Variants in PAN3 observed in about 807,000 individuals in gnomAD.
PAN3 encodes PAN2-PAN3 deadenylation complex subunit PAN3.
A neutral mutation model predicts 96.2 loss-of-function variants in PAN3; 19 were observed. The ratio of observed to expected loss-of-function variants is 0.20; its 90% CI spans 0.14 to 0.29. The LOEUF (loss-of-function observed/expected upper bound fraction) is 0.29. PAN3 is among the 10% of genes least tolerant of loss of function. The probability of loss-of-function intolerance (pLI) is 1.00; values close to 1 mark genes in which losing one functional copy is unlikely to be tolerated. For missense variants in PAN3, 882 were observed against 1,108.1 expected (o/e 0.80, Z 2.90); for synonymous variants, 433 against 406.6 (o/e 1.06, Z -0.78).
intron 4 of PAN3, among the ~76,000 whole-genome samples, chr13:28,179,026 T>C (rs1160782162): frequency 6.6e-5 from 10 of 152,230 alleles, no homozygotes; most frequent in African/African-American, 2.2e-4. Context: ...TAAAACCTCA[T>C]GTACCTAATG....
intron 5 of PAN3, among the ~76,000 whole-genome samples, chr13:28,204,539 T>C (rs1183906437): frequency 6.6e-6 from 1 of 152,258 alleles, no homozygotes; most frequent in African/African-American, 2.4e-5. Context: ...GTTATATTCA[T>C]ATGTGCTTAA....
chr13:28,177,290 T>C (rs562781153), intron 3 of PAN3, among the ~76,000 whole-genome samples: 45 of 152,314 alleles, frequency 3.0e-4, no homozygotes, highest in African/African-American at 1.1e-3. Context: ...ATTTCATGTT[T>C]GAAATAAATT....
At chr13:28,215,293 G>A (rs1376416416) in intron 5 of PAN3, 4 of 719,064 alleles carry the variant, frequency 5.6e-6, no homozygotes, top group African/African-American at 5.2e-5. Context: ...GGTGGTATTG[G>A]TACTGTGTCT....
At chr13:28,209,633 A>G (rs1231968968) in intron 5 of PAN3, among the ~76,000 whole-genome samples, 1 of 152,034 alleles carries the variant, frequency 6.6e-6, no homozygotes, top group Admixed American at 6.6e-5. Context: ...TGCTGTGCTA[A>G]CCTTATCTAC....
intron 4 of PAN3, 91 bp downstream of exon 4, chr13:28,178,026 G>A: frequency 8.6e-7 from 1 of 1,165,028 alleles, no homozygotes; most frequent in Non-Finnish European, 1.3e-6. Context: ...TTTTGTAAGT[G>A]GAGGGAGAGC....
At position 28,188,960 on chromosome 13, in the gene PAN3, A is replaced by G. The variant is rs537237177; in HGVS notation, c.691-8225A>G. Reference sequence around the variant, plus strand: ...TGAACTTTTTGGGAGAAGAGAATAGATCTTCTTGATCATTTTATTTTTAAG... The same window carrying G: ...TGAACTTTTTGGGAGAAGAGAATAGGTCTTCTTGATCATTTTATTTTTAAG... On this transcript the variant is annotated intron_variant, in intron 4 of 18. Coordinates refer to ENST00000380958, the MANE Select transcript of PAN3 (RefSeq NM_175854.8). Among the ~76,000 whole-genome samples, 10 of 152,366 alleles carry G rather than the reference A, an allele frequency of 6.6e-5. No individual in the cohort carries two copies. The East Asian group carries it at 1.9e-3, about 29-fold the overall frequency.
At chr13:28,165,873 G>T (rs111870734) in intron 1 of PAN3, among the ~76,000 whole-genome samples, 2 of 151,852 alleles carry the variant, frequency 1.3e-5, no homozygotes, top group Admixed American at 1.3e-4. Context: ...GCTTCATAAG[G>T]GTGCTAATTC....
At chr13:28,173,452 T>G (rs1013618949) in intron 1 of PAN3, among the ~76,000 whole-genome samples, 1 of 152,172 alleles carries the variant, frequency 6.6e-6, no homozygotes, top group Non-Finnish European at 1.5e-5. Flanking sequence ...ATGCAGTACA[T>G]TTTCGTTATG....
At chr13:28,227,614 ATAG>A (rs2138419517) in intron 6 of PAN3, among the ~76,000 whole-genome samples, 1 of 152,290 alleles carries the variant, frequency 6.6e-6, no homozygotes, top group Admixed American at 6.5e-5. Context: ...TAAGAAGGTA[ATAG>A]TAGATGATTT....
At chr13:28,148,464 T>TA (rs1470176630) in intron 1 of PAN3, among the ~76,000 whole-genome samples, 1 of 152,220 alleles carries the variant, frequency 6.6e-6, no homozygotes, top group Non-Finnish European at 1.5e-5. Context: ...TTTTAATATT[T>TA]AAAAAAATGC....
At chr13:28,245,721 AC>A (rs145179683) in intron 6 of PAN3, among the ~76,000 whole-genome samples, 2,857 of 152,150 alleles carry the variant, frequency 0.019, 77 homozygotes, top group African/African-American at 0.065. Context: ...CTATTTTCTG[AC>A]TTTTTATAGA....
At chr13:28,201,580 G>A (rs946042466) in intron 5 of PAN3, among the ~76,000 whole-genome samples, 1 of 151,150 alleles carries the variant, frequency 6.6e-6, no homozygotes, top group Non-Finnish European at 1.5e-5. Context: ...TTTAAGAGAC[G>A]GGGGAGTGGG....
intron 1 of PAN3, among the ~76,000 whole-genome samples, chr13:28,141,134 G>T (rs1869748677): frequency 6.6e-6 from 1 of 151,170 alleles, no homozygotes. Flanking sequence ...CTCCCAAGTA[G>T]CTGGGTTTTA....
chr13:28,194,259 A>G (rs80021629), intron 4 of PAN3, among the ~76,000 whole-genome samples: 1 of 151,638 alleles, frequency 6.6e-6, no homozygotes, highest in African/African-American at 2.4e-5. Context: ...ATTCAGATAT[A>G]TGACCTGGAA....
chr13:28,153,755 C>G lies in PAN3; in HGVS notation c.430+14668C>G, dbSNP rs985584426. Among the ~76,000 whole-genome samples the G allele has an allele frequency of 2.0e-5, 3 of 152,246 alleles. No homozygotes were observed. The East Asian group carries it at 5.8e-4, about 29-fold the overall frequency. ...CCAAACCCAACCCTCCAGATGCTAGCTTACTACAAGATTTAGCAAAATAAT... is the reference window on the plus strand; with the variant it reads ...CCAAACCCAACCCTCCAGATGCTAGGTTACTACAAGATTTAGCAAAATAAT... On this transcript the variant is annotated intron_variant, in intron 1 of 18. Transcript: ENST00000380958.
At position 28,266,778 on chromosome 13, in the gene PAN3, A is replaced by G. The variant is rs774911720; in HGVS notation, c.1475A>G (p.Asn492Ser). The G allele has an allele frequency of 3.1e-6, 5 of 1,610,154 alleles. No individual in the cohort carries two copies. The African/African-American group carries it at 4.0e-5, about 13-fold the overall frequency. ...CCTCTAGAACCACTGCCACCTCCCA[A>G]CCGGATACAGAAATCAAGTAATTTT... is the stretch of plus-strand genomic sequence containing the variant. ...LFPLEPLPPP[N>S]RIQKSSNFGY... is the part of the protein sequence containing the mutation. The change falls in exon 10 of 19, where the codon AAC becomes AGC. Residue 492 changes from asparagine to serine, a missense_variant. Transcript: ENST00000380958.
intron 9 of PAN3, among the ~76,000 whole-genome samples, chr13:28,266,177 C>A (rs1212883140): frequency 8.5e-5 from 13 of 152,060 alleles, no homozygotes; most frequent in Admixed American, 3.3e-4. Context: ...ACCATTGTTA[C>A]CATCTGCTAT....
chr13:28,203,312 T>TTTAC (rs1878960126), intron 5 of PAN3, among the ~76,000 whole-genome samples: 1 of 151,892 alleles, frequency 6.6e-6, no homozygotes, highest in Non-Finnish European at 1.5e-5. Flanking sequence ...TATTTATTTA[T>TTTAC]TTACTTATTG....
intron 5 of PAN3, among the ~76,000 whole-genome samples, chr13:28,207,412 A>G (rs1253987647): frequency 6.6e-6 from 1 of 152,090 alleles, no homozygotes; most frequent in Non-Finnish European, 1.5e-5. Flanking sequence ...TGATTGTCTG[A>G]TCTTGCCTCT....
Sources: allele counts gnomAD v4.1 joint callset (sites outside exome capture counted in the v4.1 genomes callset), GRCh38; gene constraint gnomAD v4.1.1; transcripts MANE v1.5; gene names NCBI Gene and HGNC (gene_info 2026-07-23, HGNC 2026-07-21).